MEST: variants seen among roughly 807,000 people sequenced by gnomAD.
MEST encodes mesoderm specific transcript, also known as mesoderm-specific transcript homolog protein.
Under a neutral mutation model 50.9 loss-of-function variants are expected in MEST, and 18 were observed. The observed-to-expected ratio is 0.35, with a 90% CI of 0.24 to 0.52. The LOEUF (loss-of-function observed/expected upper bound fraction) is 0.52. Among genes scored for constraint, MEST ranks in the 20% least tolerant of loss-of-function variants. The pLI is 0.94. For synonymous variants in MEST, 130 were observed against 154.1 expected, an observed-to-expected ratio of 0.84 and a Z score of 1.16; for missense variants, 282 against 425.3, an observed-to-expected ratio of 0.66 and a Z score of 2.96.
In MEST at chr7:130,500,642, G is replaced by A. The variant is rs1799241275; in HGVS notation, c.647+110G>A. 3 of 1,292,266 alleles carry A rather than the reference G, an allele frequency of 2.3e-6. No individual in the cohort carries two copies. Among genetic ancestry groups the A allele is most frequent in the Non-Finnish European group, 3.3e-6 (3 of 921,670 alleles). 80.0% of individuals were successfully genotyped at this position (1,292,266 alleles called of 1,614,324 possible). ...TTGATATTTTAAAGCAAAGGTGTTG[G>A]CCGCTTGCCAGGGAAGTAGAAGGAA... On this transcript the variant is annotated intron_variant, in intron 8 of 11. Transcript: ENST00000223215. This position sits in a 1 kb window ranked among gnomAD's most constrained non-coding sequence, Gnocchi z 5.0.
intron 1 of MEST, 72 bp from the exon 2 acceptor site, chr7:130,495,296 C>A: frequency 6.8e-7 from 1 of 1,463,286 alleles, no homozygotes; most frequent in Non-Finnish European, 9.2e-7. Flanking sequence ...CCCCATCTTA[C>A]CAGGTTTTGG....
upstream of MEST, among the ~76,000 whole-genome samples, chr7:130,491,822 T>A (rs1349105104): frequency 1.3e-5 from 2 of 152,136 alleles, no homozygotes; most frequent in African/African-American, 4.8e-5. The surrounding 1 kb of genome is among the most constrained non-coding windows in gnomAD (Gnocchi z 6.8). Flanking sequence ...GGAGGGTTTC[T>A]GCAGCAGAAT....
chr7:130,501,128 G>A, intron 9 of MEST: 1 of 390,572 alleles, frequency 2.6e-6, no homozygotes, highest in Non-Finnish European at 4.6e-6. Context: ...AAGTAGCCTA[G>A]TGCCTCCCTC....
chr7:130,498,988 A>C (rs1799175205), intron 6 of MEST, among the ~76,000 whole-genome samples: 1 of 152,242 alleles, frequency 6.6e-6, no homozygotes, highest in African/African-American at 2.4e-5. Flanking sequence ...ACTTTAAATG[A>C]AACGTTATAA....
intron 2 of MEST, chr7:130,495,947 G>A (rs983753681): frequency 1.7e-5 from 6 of 342,906 alleles, no homozygotes; most frequent in Non-Finnish European, 2.8e-5. Context: ...ATTTGCTAGT[G>A]ATGATGATTA....
Position 130,505,260 on chromosome 7 carries a change from T to C in MEST, c.*204T>C, listed in dbSNP as rs1554439638. ...GTTGACATAATAGTCCACCTCCCAT[T>C]ACTTTGATATCTGATCAAATGTATA... On this transcript the variant is annotated 3_prime_UTR_variant, in exon 12 of 12. Coordinates refer to ENST00000223215, the MANE Select transcript of MEST (RefSeq NM_002402.4). 2.0e-6 allele frequency: 1 copy of C among 489,922 alleles called. No individual in the cohort carries two copies. The allele number at this position is 489,922 out of a possible 1,614,324, so 30.3% of individuals were successfully genotyped here.
chr7:130,501,170 T>C (rs1799263938), intron 9 of MEST: 1 of 276,212 alleles, frequency 3.6e-6, no homozygotes, highest in Non-Finnish European at 6.7e-6. Flanking sequence ...TGCCTATCTT[T>C]CTGCAGCAAC....
chr7:130,502,740 T>G lies in MEST; in HGVS notation c.826+20T>G. ...TCCCCAGTGAGTATTTTTGTATTAT[T>G]GATAGGAAACTGAAGGACTATAGGG... On this transcript the variant is annotated intron_variant, in intron 10 of 11. Transcript: ENST00000223215. The G allele has an allele frequency of 6.3e-7, 1 of 1,588,076 alleles. No individual in the cohort carries two copies. The highest frequency in any genetic ancestry group is 2.2e-5 in the East Asian group (1 of 44,770).
chr7:130,502,855 T>G, intron 10 of MEST, 135 bp downstream of exon 10: 1 of 645,554 alleles, frequency 1.5e-6, no homozygotes, highest in Non-Finnish European at 2.7e-6. Flanking sequence ...GAATTTTAGA[T>G]AAACAACAAA....
upstream of MEST, chr7:130,490,734 T>C (rs1322984946): frequency 6.6e-6 from 1 of 152,236 alleles, no homozygotes; most frequent in African/African-American, 2.4e-5. Context: ...CCGGGGCTAT[T>C]TCTCATTTAT....
Position 130,505,558 on chromosome 7 carries a change from A to G in MEST, c.*502A>G, listed in dbSNP as rs1799447936. 1 of 152,548 alleles carries G rather than the reference A, an allele frequency of 6.6e-6. No homozygotes were observed. The highest frequency in any genetic ancestry group is 2.4e-5 in the African/African-American group (1 of 41,426). 9.4% of individuals were successfully genotyped at this position (152,548 alleles called of 1,614,324 possible). A position where few individuals can be genotyped will look rare whatever the true frequency, so the allele number is the denominator to read the frequency against. ...CACAGAGCTGAGTCCTCTTTGTCATACCTTTGGATTTAGTGTTTCATCAGC... is the reference window on the plus strand; with the variant it reads ...CACAGAGCTGAGTCCTCTTTGTCATGCCTTTGGATTTAGTGTTTCATCAGC... On this transcript the variant is annotated 3_prime_UTR_variant, in exon 12 of 12. Transcript: ENST00000223215.
upstream of MEST, chr7:130,489,789 C>G (rs1339950307): frequency 6.6e-6 from 1 of 152,264 alleles, no homozygotes; most frequent in Non-Finnish European, 1.5e-5. Flanking sequence ...CTGTTGTCTT[C>G]AGGAGCTCTC....
intron 1 of MEST, among the ~76,000 whole-genome samples, chr7:130,493,822 A>T (rs1798931721): frequency 6.6e-6 from 1 of 152,212 alleles, no homozygotes; most frequent in African/African-American, 2.4e-5. Flanking sequence ...TACAGGACAG[A>T]TAGGGCTGGG....
Position 130,495,395 on chromosome 7 carries a change from G to T in MEST, c.54G>T (p.Gly18=), listed in dbSNP as rs143838713. The stretch of plus-strand genomic sequence containing the variant: ...TGAGGGAGTGGTGGGTCCAGGTGGG[G>T]CTGCTGGCCGTGCCCCTGCTTGCTG... The part of the protein sequence containing the change: ...RRMREWWVQV[G]LLAVPLLAAY... Residue 18 remains glycine (G), a synonymous_variant, in exon 2 of 12, where the codon GGG becomes GGT. Transcript: ENST00000223215. 9.4e-5 allele frequency: 151 copies of T among 1,612,788 alleles called. No homozygotes were observed. The highest frequency in any genetic ancestry group is 1.3e-4 in the African/African-American group (10 of 74,854).
chr7:130,498,316 G>A lies in MEST; in HGVS notation c.476+41G>A, dbSNP rs782435937. On this transcript the variant is annotated intron_variant, in intron 5 of 11. Transcript: ENST00000223215. ...GACTTCAGCTTATGATGCTAGGAAA[G>A]TACATTGTTTCTGGACTGTTTGTAT... 7.4e-6 allele frequency: 12 copies of A among 1,611,712 alleles called. No individual in the cohort carries two copies. The East Asian group carries it at 8.9e-5, about 12-fold the overall frequency.
rs375360689 is a variant in MEST, at chr7:130,498,027, A to G, written c.339+14A>G. 418 of 1,613,964 alleles carry G rather than the reference A, an allele frequency of 2.6e-4. No individual in the cohort carries two copies. The highest frequency in any genetic ancestry group is 3.4e-4 in the Non-Finnish European group (397 of 1,179,934). ...AGTGACAAACCGGTAAGCAGCACCT[A>G]TGTGGGGCTGGTGATGGGGTGTGGG... is the stretch of plus-strand genomic sequence containing the variant. On this transcript the variant is annotated intron_variant, in intron 4 of 11. Coordinates refer to ENST00000223215, the MANE Select transcript of MEST (RefSeq NM_002402.4).
In MEST at chr7:130,495,348, G is replaced by A. The variant is rs1799006563; in HGVS notation, c.27-20G>A. 1 of 1,589,082 alleles carries A rather than the reference G, an allele frequency of 6.3e-7. No homozygotes were observed. The highest frequency in any genetic ancestry group is 2.3e-5 in the East Asian group (1 of 43,976). ...CAATGTTACCTGACTGCTTACAGTG[G>A]GTCTCTGCTTTTCCTACAGGATGAG... On this transcript the variant is annotated intron_variant, in intron 1 of 11. Coordinates refer to ENST00000223215, the MANE Select transcript of MEST (RefSeq NM_002402.4).
rs149977162 is a variant in MEST, at chr7:130,500,963, C to T, written c.749+73C>T. 2.5e-4 allele frequency: 328 copies of T among 1,312,740 alleles called. 5 individuals carry two copies. The East Asian group carries it at 7.0e-3, about 28-fold the overall frequency. The allele number at this position is 1,312,740 out of a possible 1,614,324, so 81.3% of individuals were successfully genotyped here. On this transcript the variant is annotated intron_variant, in intron 9 of 11. Transcript: ENST00000223215. The surrounding 1 kb of genome is among the most constrained non-coding windows in gnomAD (Gnocchi z 5.0). ...AGAGTGGGGATTGCTTGTTCTGTTC[C>T]TTGCTGGCTTATTCCCTATCACAGG...
Position 130,498,451 on chromosome 7 carries a change from TAA to T in MEST, c.511_512del (p.Lys171GlufsTer12). 1.2e-6 allele frequency: 2 copies of T among 1,614,150 alleles called. No homozygotes were observed. Among genetic ancestry groups the T allele is most frequent in the Non-Finnish European group, 1.7e-6 (2 of 1,180,018 alleles). ...CAGAATCGATCTGGTCGGCTTACCATAAAGAGTCTCTGTCTGTCAAATGGAGG... is the reference window on the plus strand; with the variant it reads ...CAGAATCGATCTGGTCGGCTTACCATAGAGTCTCTGTCTGTCAAATGGAGG... On this transcript the variant is annotated frameshift_variant, in exon 6 of 12. Coordinates refer to ENST00000223215, the MANE Select transcript of MEST (RefSeq NM_002402.4). LOFTEE classifies it high-confidence loss of function.
Sources: allele counts gnomAD v4.1 joint callset (sites outside exome capture counted in the v4.1 genomes callset), GRCh38; gene constraint gnomAD v4.1.1; non-coding constraint Gnocchi (gnomAD v3.1); transcripts MANE v1.5; gene names NCBI Gene and HGNC (gene_info 2026-07-23, HGNC 2026-07-21).